Variants in SULT2B1 observed in about 807,000 individuals in gnomAD.
SULT2B1 encodes sulfotransferase 2B1.
Under a neutral mutation model 33.2 loss-of-function variants are expected in SULT2B1, and 16 were observed. The observed-to-expected ratio is 0.48, with a 90% CI of 0.33 to 0.73. SULT2B1 has a LOEUF of 0.73. Ranked by LOEUF, SULT2B1 falls within the 30% of genes least tolerant of loss-of-function variation. SULT2B1 has a pLI of 0.02. For missense variants in SULT2B1, 500 were observed against 506.0 expected (o/e 0.99, Z 0.11); for synonymous variants, 186 against 200.5 (o/e 0.93, Z 0.61).
rs559957971 is a variant in SULT2B1, at chr19:48,571,229, G to A, written c.72-4712G>A. On this transcript the variant is annotated intron_variant, in intron 1 of 6. Transcript: ENST00000201586. ...TTTATTTATTTTGAGATGGAGTTTCGCTCTGTCCCCAGGCTGGAGTGCAGT... is the reference window on the plus strand; with the variant it reads ...TTTATTTATTTTGAGATGGAGTTTCACTCTGTCCCCAGGCTGGAGTGCAGT... Among the ~76,000 whole-genome samples, 8 of 127,590 alleles carry A rather than the reference G, an allele frequency of 6.3e-5. No individual in the cohort carries two copies. The South Asian group carries it at 2.0e-3, about 32-fold the overall frequency. 83.7% of individuals were successfully genotyped at this position (127,590 alleles called of 152,430 possible). A position where few individuals can be genotyped will look rare whatever the true frequency, so the allele number is the denominator to read the frequency against.
chr19:48,563,195 G>T (rs145333719), intron 1 of SULT2B1, among the ~76,000 whole-genome samples: 1 of 152,182 alleles, frequency 6.6e-6, no homozygotes, highest in African/African-American at 2.4e-5. Flanking sequence ...GATTACAGGG[G>T]ACTGAGCCAC....
chr19:48,572,523 T>TA (rs1259482109), intron 1 of SULT2B1, among the ~76,000 whole-genome samples: 1 of 147,660 alleles, frequency 6.8e-6, no homozygotes, highest in Non-Finnish European at 1.5e-5. Flanking sequence ...CAAAAAAAAT[T>TA]AAAAAAAAGA....
At chr19:48,588,700 G>A (rs1284925351) in intron 3 of SULT2B1, among the ~76,000 whole-genome samples, 2 of 151,964 alleles carry the variant, frequency 1.3e-5, no homozygotes, top group Non-Finnish European at 2.9e-5. Flanking sequence ...AGTTAGAGGT[G>A]GGTGTGGGGC....
intron 6 of SULT2B1, 148 bp from the exon 7 acceptor site, chr19:48,598,987 C>T: frequency 7.3e-7 from 1 of 1,376,328 alleles, no homozygotes; most frequent in East Asian, 2.5e-5. Flanking sequence ...ACAAAGGGGG[C>T]AATGTGGAGG....
chr19:48,556,395 G>A (rs1292722504), intron 1 of SULT2B1, among the ~76,000 whole-genome samples: 2 of 152,084 alleles, frequency 1.3e-5, no homozygotes, highest in Admixed American at 6.6e-5. Flanking sequence ...CCTCTGAGCC[G>A]GAGCTTCCAG....
chr19:48,578,533 G>A (rs911220677), intron 2 of SULT2B1, among the ~76,000 whole-genome samples: 2 of 151,932 alleles, frequency 1.3e-5, no homozygotes, highest in Admixed American at 6.6e-5. Context: ...AGTGAGACGC[G>A]TTCACCCCAC....
intron 5 of SULT2B1, among the ~76,000 whole-genome samples, chr19:48,594,905 G>T (rs941455783): frequency 1.4e-4 from 1 of 7,142 alleles, no homozygotes; most frequent in Non-Finnish European, 7.5e-4. Flanking sequence ...TATAATCCCA[G>T]CAGCTACTTT....
intron 1 of SULT2B1, among the ~76,000 whole-genome samples, chr19:48,555,320 G>A (rs1005997670): frequency 5.3e-5 from 8 of 152,176 alleles, no homozygotes; most frequent in African/African-American, 1.7e-4. Context: ...TCGAACTCCT[G>A]ACCTCAGGTG....
intron 1 of SULT2B1, among the ~76,000 whole-genome samples, chr19:48,570,380 T>C (rs11882607): frequency 0.12 from 17,916 of 151,896 alleles, 3,549 homozygotes; most frequent in African/African-American, 0.41. Flanking sequence ...GGTTTCGCCA[T>C]GTTGGCCAGG....
rs1248496445 is a variant in SULT2B1, at chr19:48,554,686, C to T, written c.71+2363C>T. Among the ~76,000 whole-genome samples the T allele has an allele frequency of 4.5e-5, 4 of 88,052 alleles. No homozygotes were observed. The South Asian group carries it at 1.8e-3, about 40-fold the overall frequency. The allele number at this position is 88,052 out of a possible 152,430, so 57.8% of individuals were successfully genotyped here. A position where few individuals can be genotyped will look rare whatever the true frequency, so the allele number is the denominator to read the frequency against. On this transcript the variant is annotated intron_variant, in intron 1 of 6. Transcript: ENST00000201586. ...TTTTTTTTTTTTTTTTTTTTTGAGA[C>T]TGAATCTGGCTCTGTCACCCAGGCT...
intron 1 of SULT2B1, among the ~76,000 whole-genome samples, chr19:48,555,232 C>T (rs987391366): frequency 6.6e-6 from 1 of 152,038 alleles, no homozygotes; most frequent in Non-Finnish European, 1.5e-5. Flanking sequence ...GCTGGGATTA[C>T]AGGCACCCGC....
intron 3 of SULT2B1, among the ~76,000 whole-genome samples, chr19:48,587,997 G>A (rs1160322628): frequency 1.3e-5 from 2 of 150,728 alleles, no homozygotes; most frequent in African/African-American, 2.4e-5. Flanking sequence ...ATCACTTGAG[G>A]CCAGGAGTTC....
chr19:48,578,964 C>T (rs1973449438), intron 2 of SULT2B1, among the ~76,000 whole-genome samples: 1 of 152,004 alleles, frequency 6.6e-6, no homozygotes, highest in Non-Finnish European at 1.5e-5. Flanking sequence ...ACCTCCCAAT[C>T]CTCATATCCC....
intron 1 of SULT2B1, among the ~76,000 whole-genome samples, chr19:48,565,224 C>T (rs1169693907): frequency 2.6e-5 from 4 of 152,050 alleles, no homozygotes; most frequent in Non-Finnish European, 5.9e-5. Context: ...CGGTGCCCGG[C>T]CTAATCCTTA....
At chr19:48,566,022 C>G (rs375880662) in intron 1 of SULT2B1, among the ~76,000 whole-genome samples, 4 of 151,624 alleles carry the variant, frequency 2.6e-5, no homozygotes, top group African/African-American at 9.7e-5. Flanking sequence ...AAGTGATTCT[C>G]CCACCTCAGC....
rs367657435 is a variant in SULT2B1, at chr19:48,591,753, C to T, written c.550+18C>T. ...AGGCGAAGGTGGGGACAGGGTAAAG[C>T]GGGGCAGGAGGGGTGGGGAGGAGCC... On this transcript the variant is annotated intron_variant, in intron 4 of 6. Coordinates refer to ENST00000201586, the MANE Select transcript of SULT2B1 (RefSeq NM_177973.2). 51 of 1,526,764 alleles carry T rather than the reference C, an allele frequency of 3.3e-5. No homozygotes were observed. Among genetic ancestry groups the T allele is most frequent in the African/African-American group, 9.7e-5 (7 of 72,332 alleles). The allele number at this position is 1,526,764 out of a possible 1,614,324, so 94.6% of individuals were successfully genotyped here. A position where few individuals can be genotyped will look rare whatever the true frequency, so the allele number is the denominator to read the frequency against.
At chr19:48,565,528 C>T (rs1192683487) in intron 1 of SULT2B1, among the ~76,000 whole-genome samples, 1 of 151,424 alleles carries the variant, frequency 6.6e-6, no homozygotes, top group East Asian at 2.0e-4. Flanking sequence ...TACAGGTGTG[C>T]ACCACTACGC....
At chr19:48,586,454 A>G (rs8109050) in intron 2 of SULT2B1, among the ~76,000 whole-genome samples, 28,912 of 152,080 alleles carry the variant, frequency 0.19, 3,532 homozygotes, top group African/African-American at 0.34. Context: ...CTGTATCCAG[A>G]AGCAGAGAGG....
At chr19:48,569,365 T>C (rs1362044432) in intron 1 of SULT2B1, among the ~76,000 whole-genome samples, 69 of 6,912 alleles carry the variant, frequency 1.0e-2, no homozygotes, top group African/African-American at 0.037. Context: ...AAAAAAAACA[T>C]ATATATATAT....
Sources: allele counts gnomAD v4.1 joint callset (sites outside exome capture counted in the v4.1 genomes callset), GRCh38; gene constraint gnomAD v4.1.1; transcripts MANE v1.5; gene names NCBI Gene and HGNC (gene_info 2026-07-23, HGNC 2026-07-21).